The following TEX35 variants were observed in gnomAD, a reference collection of about 807,000 sequenced individuals.
The protein encoded by TEX35 is testis expressed 35.
Under a neutral mutation model 31.9 loss-of-function variants are expected in TEX35, and 26 were observed. That is an observed-to-expected ratio of 0.81 (90% CI 0.60 to 1.13). The LOEUF (loss-of-function observed/expected upper bound fraction) is 1.13, where lower values mean the gene tolerates loss of function less well. Ranked by LOEUF, TEX35 falls within the 50% of genes most tolerant of loss-of-function variation. The pLI is 0.00. For missense variants in TEX35, 278 were observed against 273.5 expected (o/e 1.02, Z -0.12); for synonymous variants, 87 against 90.7 (o/e 0.96, Z 0.23).
chr1:178,521,571 C>T (rs1489127850), intron 8 of TEX35: 8 of 1,502,354 alleles, frequency 5.3e-6, no homozygotes, highest in Non-Finnish European at 9.1e-7. Context: ...GAAATATTCA[C>T]ACCAGGTCTG....
intron 8 of TEX35, 169 bp downstream of exon 8, chr1:178,521,433 AC>A: frequency 9.7e-7 from 1 of 1,026,146 alleles, no homozygotes; most frequent in Non-Finnish European, 1.5e-6. Flanking sequence ...AGGATGTGGC[AC>A]CAGGAAGGAG....
intron 1 of TEX35, 56 bp from the exon 2 acceptor site, chr1:178,513,971 T>C: frequency 6.3e-7 from 1 of 1,594,928 alleles, no homozygotes; most frequent in Non-Finnish European, 8.6e-7. Context: ...GGCCAGATGT[T>C]CTCCTCCCCA....
chr1:178,521,101 C>A, intron 7 of TEX35, 121 bp from the exon 8 acceptor site: 1 of 1,589,092 alleles, frequency 6.3e-7, no homozygotes, highest in South Asian at 1.2e-5. Context: ...TGGGCCTACC[C>A]GCCAGCTCCA....
intron 4 of TEX35, 123 bp from the exon 5 acceptor site, chr1:178,516,492 C>T: frequency 1.3e-6 from 1 of 770,772 alleles, no homozygotes. Context: ...CTCTAACAGG[C>T]CATTATTAGT....
chr1:178,522,045 G>T, intron 8 of TEX35: 1 of 655,120 alleles, frequency 1.5e-6, no homozygotes, highest in South Asian at 2.1e-5. Flanking sequence ...TGATGATAGC[G>T]GACGCCAGTC....
At position 178,520,800 on chromosome 1, in the gene TEX35, C is replaced by G. The variant is rs149821132; in HGVS notation, c.469C>G (p.His157Asp). Residue 157 changes from histidine to aspartate, a missense_variant, in exon 7 of 9, where the codon CAC (histidine) becomes GAC (aspartate). Coordinates refer to ENST00000319416, the MANE Select transcript of TEX35 (RefSeq NM_032126.5). ...SGVNGAPCAL[H>D]KKTMAPQKTK... ...AGTCAATGGAGCACCCTGTGCTCTT[C>G]ACAAGAAGACGATGGCACCACAAAA... 2.5e-4 allele frequency: 409 copies of G among 1,614,052 alleles called. 1 individual carries two copies. Among genetic ancestry groups the G allele is most frequent in the Non-Finnish European group, 3.2e-4 (382 of 1,180,050 alleles).
chr1:178,514,357 C>T (rs544268780), intron 2 of TEX35, among the ~76,000 whole-genome samples: 1 of 152,208 alleles, frequency 6.6e-6, no homozygotes, highest in African/African-American at 2.4e-5. Context: ...GAAAGGCCTT[C>T]CTTTGAGCTG....
In TEX35 at chr1:178,518,029, T is replaced by A. The variant is rs55994128; in HGVS notation, c.276+1355T>A. Among the ~76,000 whole-genome samples the A allele has an allele frequency of 7.1e-3, 1,074 of 152,126 alleles. 11 individuals carry two copies. Among genetic ancestry groups the A allele is most frequent in the African/African-American group, 0.024 (1,010 of 41,514 alleles). On this transcript the variant is annotated intron_variant, in intron 5 of 8. Coordinates refer to ENST00000319416, the MANE Select transcript of TEX35 (RefSeq NM_032126.5). ...CAAAAATATAAGCACAGAAAAAAGG[T>A]TTTTATCCATAACATATAAAGTTCA...
At chr1:178,521,468 G>T (rs1650274604) in intron 8 of TEX35, 3 of 1,013,818 alleles carry the variant, frequency 3.0e-6, no homozygotes, top group Middle Eastern at 2.3e-4. Context: ...CAGCCTAGAG[G>T]CTGCTGCCTG....
intron 8 of TEX35, chr1:178,521,698 C>G: frequency 6.4e-7 from 1 of 1,551,920 alleles, no homozygotes; most frequent in South Asian, 1.2e-5. Flanking sequence ...ACCAGCAGTT[C>G]CGATTCATCA....
intron 4 of TEX35, 112 bp from the exon 5 acceptor site, chr1:178,516,503 C>A: frequency 1.2e-6 from 1 of 869,064 alleles, no homozygotes; most frequent in East Asian, 2.4e-5. Flanking sequence ...CATTATTAGT[C>A]CATGCCAGAG....
At chr1:178,522,275 AC>A in intron 8 of TEX35, 49 bp from the exon 9 acceptor site, 1 of 1,524,432 alleles carries the variant, frequency 6.6e-7, no homozygotes. Context: ...CTGGGGATCC[AC>A]CCTTCTCACC....
intron 3 of TEX35, 98 bp from the exon 4 acceptor site, chr1:178,515,761 T>G: frequency 2.1e-6 from 2 of 950,844 alleles, no homozygotes; most frequent in Non-Finnish European, 3.3e-6. Flanking sequence ...AGCTTTTCTC[T>G]GACAGTGTCC....
At chr1:178,514,464 C>T (rs1165921560) in intron 2 of TEX35, among the ~76,000 whole-genome samples, 4 of 152,204 alleles carry the variant, frequency 2.6e-5, no homozygotes, top group Admixed American at 2.6e-4. Context: ...GGGAATGAGC[C>T]TGGCTGTTCA....
Position 178,522,184 on chromosome 1 carries a change from C to T in TEX35, c.587-141C>T, listed in dbSNP as rs1191750272. 7 of 1,194,674 alleles carry T rather than the reference C, an allele frequency of 5.9e-6. No homozygotes were observed. In the South Asian group the frequency reaches 1.0e-4, roughly 17 times the overall value. The allele number at this position is 1,194,674 out of a possible 1,614,324, so 74.0% of individuals were successfully genotyped here. ...ACCCCTCAGCCTCGAGTTCTGCCTG[C>T]ACCACACCCCTCTGAGGTCTTGTCA... On this transcript the variant is annotated intron_variant, in intron 8 of 8. Coordinates refer to ENST00000319416, the MANE Select transcript of TEX35 (RefSeq NM_032126.5).
Position 178,514,697 on chromosome 1 carries a change from CA to C in TEX35, c.91-2del. 1.9e-6 allele frequency: 3 copies of C among 1,613,794 alleles called. No homozygotes were observed. The South Asian group carries it at 3.3e-5, about 18-fold the overall frequency. Reference sequence around the variant, plus strand: ...AGGTCTGTGTTCCTGTTTCAATCCACAGACATTTGATTACAAAGCAGTTAAA... The same window carrying C: ...AGGTCTGTGTTCCTGTTTCAATCCACGACATTTGATTACAAAGCAGTTAAA... On this transcript the variant is annotated splice_acceptor_variant, in intron 2 of 8. Transcript: ENST00000319416. LOFTEE classifies it high-confidence loss of function.
At chr1:178,518,452 G>A (rs190569339) in intron 5 of TEX35, among the ~76,000 whole-genome samples, 249 of 152,078 alleles carry the variant, frequency 1.6e-3, no homozygotes, top group African/African-American at 5.1e-3. Context: ...ATTTGGAAAC[G>A]ACCTCAATTT....
At chr1:178,517,743 G>A (rs1650131033) in intron 5 of TEX35, among the ~76,000 whole-genome samples, 1 of 152,122 alleles carries the variant, frequency 6.6e-6, no homozygotes, top group African/African-American at 2.4e-5. Context: ...TAGAAACATT[G>A]CTTGACTATA....
intron 2 of TEX35, 101 bp from the exon 3 acceptor site, chr1:178,514,599 C>A: frequency 8.4e-7 from 1 of 1,185,586 alleles, no homozygotes. Context: ...TTGCCTTAGC[C>A]CTAAGGGAGG....
Sources: gnomAD v4.1 joint callset for allele counts (sites outside exome capture counted in the v4.1 genomes callset) on GRCh38, gnomAD v4.1.1 for gene constraint, MANE v1.5 for transcripts, NCBI Gene and HGNC (gene_info 2026-07-23, HGNC 2026-07-21) for gene names.